Variants in LMX1A observed in about 807,000 individuals in gnomAD.
The protein encoded by LMX1A is LIM homeobox transcription factor 1-alpha.
Under a neutral mutation model 49.1 loss-of-function variants are expected in LMX1A, and 15 were observed. The observed-to-expected ratio is 0.31, with a 90% confidence interval of 0.20 to 0.47. The LOEUF (loss-of-function observed/expected upper bound fraction) is 0.47. Among genes scored for constraint, LMX1A ranks in the 20% least tolerant of loss-of-function variants. The pLI, the probability that LMX1A is intolerant of heterozygous loss-of-function variation, is 1.00. For synonymous variants in LMX1A, 167 were observed against 185.7 expected (o/e 0.90, Z 0.82); for missense variants, 372 against 475.8 (o/e 0.78, Z 2.03).
At chr1:165,229,137 G>A (rs1652152923) in intron 4 of LMX1A, among the ~76,000 whole-genome samples, 1 of 150,054 alleles carries the variant, frequency 6.7e-6, no homozygotes, top group South Asian at 2.1e-4. Context: ...TGAAAAAAAT[G>A]TGGCCATTTA....
At chr1:165,219,399 T>C (rs1312131702) in intron 4 of LMX1A, among the ~76,000 whole-genome samples, 1 of 152,024 alleles carries the variant, frequency 6.6e-6, no homozygotes, top group Non-Finnish European at 1.5e-5. Context: ...CATAAATGTC[T>C]TTTAGACAGG....
chr1:165,302,700 T>C (rs1489868093), intron 3 of LMX1A, among the ~76,000 whole-genome samples: 1 of 152,204 alleles, frequency 6.6e-6, no homozygotes, highest in Admixed American at 6.5e-5. Context: ...TACCACTGAA[T>C]TTTTGGTAAG....
At position 165,247,054 on chromosome 1, in the gene LMX1A, C is replaced by CTTTTTTTTTCTTTTTTTTTTTTTTTTTTT. The variant is rs1652876638; in HGVS notation, c.496+2353_496+2354insAAAAAAAAAAAAAAAAAAAGAAAAAAAAA. The stretch of plus-strand genomic sequence containing the variant: ...GTTACTTAGATCAGATCAGCTTTTT[C>CTTTTTTTTTCTTTTTTTTTTTTTTTTTTT]TTTTTTTTTTTTTTTTTTTTTTTTT... On this transcript the variant is annotated intron_variant, in intron 4 of 8. Coordinates refer to ENST00000342310, the MANE Select transcript of LMX1A (RefSeq NM_177398.4). Among the ~76,000 whole-genome samples the CTTTTTTTTTCTTTTTTTTTTTTTTTTTTT allele has an allele frequency of 7.0e-4, 37 of 53,228 alleles. 1 individual carries two copies. Among genetic ancestry groups the CTTTTTTTTTCTTTTTTTTTTTTTTTTTTT allele is most frequent in the African/African-American group, 2.6e-3 (36 of 13,916 alleles). 34.9% of individuals were successfully genotyped at this position (53,228 alleles called of 152,430 possible).
chr1:165,351,845 T>C (rs1007232859), intron 3 of LMX1A, among the ~76,000 whole-genome samples: 6 of 152,258 alleles, frequency 3.9e-5, no homozygotes, highest in African/African-American at 9.6e-5. Context: ...ATACAGAGAC[T>C]TCTCCCGTTC....
chr1:165,269,790 G>T (rs1653740813), intron 3 of LMX1A, among the ~76,000 whole-genome samples: 1 of 152,138 alleles, frequency 6.6e-6, no homozygotes, highest in Non-Finnish European at 1.5e-5. Context: ...AACTGTTGCA[G>T]GAACAGAAAA....
At chr1:165,352,941 G>T in intron 3 of LMX1A, 135 bp downstream of exon 3, 2 of 928,334 alleles carry the variant, frequency 2.2e-6, no homozygotes, top group African/African-American at 1.6e-5. Flanking sequence ...GTACACGACT[G>T]CGCTGAAGGG....
intron 3 of LMX1A, among the ~76,000 whole-genome samples, chr1:165,302,843 T>G (rs906206862): frequency 1.3e-5 from 2 of 152,154 alleles, no homozygotes; most frequent in African/African-American, 4.8e-5. Flanking sequence ...TTGCTAGAAA[T>G]GTAGCCTCCT....
chr1:165,346,679 T>C (rs1179350793), intron 3 of LMX1A, among the ~76,000 whole-genome samples: 1 of 152,252 alleles, frequency 6.6e-6, no homozygotes, highest in Non-Finnish European at 1.5e-5. Context: ...TCTTCACTAA[T>C]ACTTCAGGGT....
At position 165,348,792 on chromosome 1, in the gene LMX1A, A is replaced by T. The variant is rs552935363; in HGVS notation, c.263+4284T>A. ...ATTAGTTCATTACTGATGCTAATAG[A>T]TATCATTACCTAAGTCGTTTTCACC... is the stretch of plus-strand genomic sequence containing the variant. On this transcript the variant is annotated intron_variant, in intron 3 of 8. Transcript: ENST00000342310. Among the ~76,000 whole-genome samples, 4 of 152,310 alleles carry T rather than the reference A, an allele frequency of 2.6e-5. No individual in the cohort carries two copies. The South Asian group carries it at 8.3e-4, about 32-fold the overall frequency.
intron 3 of LMX1A, among the ~76,000 whole-genome samples, chr1:165,249,962 C>T (rs73029247): frequency 0.018 from 2,749 of 152,092 alleles, 76 homozygotes; most frequent in African/African-American, 0.061. Context: ...CTATTATCCT[C>T]GGCAAACTAA....
At position 165,272,675 on chromosome 1, in the gene LMX1A, T is replaced by C. The variant is rs181550878; in HGVS notation, c.264-23035A>G. On this transcript the variant is annotated intron_variant, in intron 3 of 8. Transcript: ENST00000342310. ...ACTGAAGTCAGCTGGCTGTGTTTCATTGCCTGGCGAGTGCTGAAATAGGAG... is the reference window on the plus strand; with the variant it reads ...ACTGAAGTCAGCTGGCTGTGTTTCACTGCCTGGCGAGTGCTGAAATAGGAG... Among the ~76,000 whole-genome samples, 42 of 152,256 alleles carry C rather than the reference T, an allele frequency of 2.8e-4. 1 individual carries two copies. The highest frequency in any genetic ancestry group is 1.9e-3 in the Admixed American group (29 of 15,294).
At position 165,290,498 on chromosome 1, in the gene LMX1A, C is replaced by A. The variant is rs368814931; in HGVS notation, c.264-40858G>T. The stretch of plus-strand genomic sequence containing the variant: ...ATGTCTCTATTTATAAAAACCCTTG[C>A]GATAGCATTTCAGGCCCACCCAGAC... On this transcript the variant is annotated intron_variant, in intron 3 of 8. Coordinates refer to ENST00000342310, the MANE Select transcript of LMX1A (RefSeq NM_177398.4). Among the ~76,000 whole-genome samples the A allele has an allele frequency of 2.6e-4, 39 of 152,052 alleles. No individual in the cohort carries two copies. The South Asian group carries it at 8.1e-3, about 32-fold the overall frequency.
At position 165,213,942 on chromosome 1, in the gene LMX1A, T is replaced by G; in HGVS notation, c.497-129A>C. ...TTATGTATGAGAGCAATAATCTATG[T>G]GGTATTGCTTTGAAAGCTTCCAGGA... On this transcript the variant is annotated intron_variant, in intron 4 of 8. Coordinates refer to ENST00000342310, the MANE Select transcript of LMX1A (RefSeq NM_177398.4). 7 of 771,486 alleles carry G rather than the reference T, an allele frequency of 9.1e-6. No individual in the cohort carries two copies. In the East Asian group the frequency reaches 1.8e-4, roughly 20 times the overall value. The allele number at this position is 771,486 out of a possible 1,614,324, so 47.8% of individuals were successfully genotyped here.
chr1:165,333,258 A>G (rs1655802261), intron 3 of LMX1A, among the ~76,000 whole-genome samples: 1 of 152,298 alleles, frequency 6.6e-6, no homozygotes, highest in East Asian at 1.9e-4. Context: ...CCTGGGTTCA[A>G]GAGATTCTCC....
chr1:165,279,572 C>T (rs1654082357), intron 3 of LMX1A, among the ~76,000 whole-genome samples: 2 of 152,168 alleles, frequency 1.3e-5, no homozygotes, highest in South Asian at 4.1e-4. Context: ...GGAAGCTCAG[C>T]TTCCTTATGC....
At chr1:165,248,868 G>A (rs1049814286) in intron 4 of LMX1A, among the ~76,000 whole-genome samples, 1 of 152,202 alleles carries the variant, frequency 6.6e-6, no homozygotes, top group Non-Finnish European at 1.5e-5. Context: ...CTTTGGATTT[G>A]ATATTGCCAT....
At chr1:165,214,703 T>C (rs919530340) in intron 4 of LMX1A, among the ~76,000 whole-genome samples, 9 of 152,340 alleles carry the variant, frequency 5.9e-5, no homozygotes, top group Non-Finnish European at 8.8e-5. Flanking sequence ...AAAAAGGCCA[T>C]AGAGAAAAGC....
Position 165,236,777 on chromosome 1 carries a change from TA to T in LMX1A, c.496+12630del, listed in dbSNP as rs148213408. On this transcript the variant is annotated intron_variant, in intron 4 of 8. Coordinates refer to ENST00000342310, the MANE Select transcript of LMX1A (RefSeq NM_177398.4). The stretch of plus-strand genomic sequence containing the variant: ...GCACATTAACTCACTTAGGAAGCTT[TA>T]AAAAAAAAAAAAAAATCCCAGGCTG... Among the ~76,000 whole-genome samples the T allele has an allele frequency of 8.5e-3, 1,230 of 144,462 alleles. 14 individuals are homozygous for T. Among genetic ancestry groups the T allele is most frequent in the African/African-American group, 0.018 (702 of 39,310 alleles). 94.8% of individuals were successfully genotyped at this position (144,462 alleles called of 152,430 possible). A position where few individuals can be genotyped will look rare whatever the true frequency, so the allele number is the denominator to read the frequency against.
chr1:165,333,876 A>T (rs572794232), intron 3 of LMX1A, among the ~76,000 whole-genome samples: 4 of 152,316 alleles, frequency 2.6e-5, no homozygotes, highest in African/African-American at 9.6e-5. Flanking sequence ...CCTTGTAGGG[A>T]TTGCCTATGA....
Sources: gnomAD v4.1 joint callset for allele counts (sites outside exome capture counted in the v4.1 genomes callset) on GRCh38, gnomAD v4.1.1 for gene constraint, MANE v1.5 for transcripts, NCBI Gene and HGNC (gene_info 2026-07-23, HGNC 2026-07-21) for gene names.